Variants in EPG5 observed in about 807,000 individuals in gnomAD.
EPG5 encodes the protein ectopic P granules protein 5 homolog.
EPG5 carries 159 observed loss-of-function variants against 302.7 expected under a neutral mutation model. The ratio of observed to expected loss-of-function variants is 0.53; its 90% CI spans 0.46 to 0.60. The LOEUF is 0.60. EPG5 is among the 20% of genes least tolerant of loss of function. EPG5 has a pLI of 0.00. For missense variants in EPG5, 2,896 were observed against 3,092.4 expected (o/e 0.94, Z 1.51); for synonymous variants, 1,158 against 1,136.8 (o/e 1.02, Z -0.37).
At chr18:45,838,798 C>T in the EPG5 span, 2 of 1,558,624 alleles carry the variant, frequency 1.3e-6, no homozygotes, top group Non-Finnish European at 8.6e-7. Context: ...CGAAGGGGAG[C>T]CGCCGCCCGC....
intron 30 of EPG5, among the ~76,000 whole-genome samples, chr18:45,883,932 T>A (rs2049161422): frequency 6.7e-6 from 1 of 149,818 alleles, no homozygotes; most frequent in African/African-American, 2.4e-5. Flanking sequence ...TAATATAAAA[T>A]AAAATATTAA....
At chr18:45,892,457 A>C (rs1012177193) in intron 27 of EPG5, among the ~76,000 whole-genome samples, 2 of 152,240 alleles carry the variant, frequency 1.3e-5, no homozygotes, top group Non-Finnish European at 2.9e-5. Flanking sequence ...AGTTGGACAA[A>C]GCATGTCCTT....
the EPG5 span, among the ~76,000 whole-genome samples, chr18:45,820,110 T>C: frequency 1.3e-5 from 2 of 152,014 alleles, no homozygotes; most frequent in Non-Finnish European, 2.9e-5. Flanking sequence ...ATGTGATGGA[T>C]AGGGTAGAGG....
intron 2 of EPG5, chr18:45,953,704 T>A (rs947661602): frequency 1.0e-6 from 1 of 985,242 alleles, no homozygotes; most frequent in African/African-American, 1.7e-5. Context: ...GTGTTACACA[T>A]CAGGGACTCT....
chr18:45,865,670 G>A lies in EPG5; in HGVS notation c.6711C>T (p.Val2237=). Residue 2237 remains valine, a synonymous_variant, in exon 39 of 44, where the codon GTC becomes GTT. Transcript: ENST00000282041. ...AGAGCTTAGACATTTCCTGTTCTAG[G>A]ACTGCTAAGGTGATTTTTCCATTTT... ...LEQNGKITLA[V]LEQEMSKLLD... 6.2e-7 allele frequency: 1 copy of A among 1,613,666 alleles called. No individual in the cohort carries two copies. The highest frequency in any genetic ancestry group is 8.5e-7 in the Non-Finnish European group (1 of 1,179,982).
Position 45,954,751 on chromosome 18 carries a change from G to C in EPG5, c.651C>G (p.Pro217=). ...CTCCAGCAATTTCAGCTGGCAACTG[G>C]GGATACAGTTTCTTCACTCTAGGTG... ...FQTPRVKKLY[P]QLPAEIAGEA... Residue 217 remains proline, a synonymous_variant, in exon 2 of 44, where the codon CCC becomes CCG. Coordinates refer to ENST00000282041, the MANE Select transcript of EPG5 (RefSeq NM_020964.3). The C allele has an allele frequency of 6.2e-7, 1 of 1,613,942 alleles. No homozygotes were observed. The highest frequency in any genetic ancestry group is 1.1e-5 in the South Asian group (1 of 91,032).
At chr18:45,827,193 G>C in the EPG5 span, among the ~76,000 whole-genome samples, 3 of 152,220 alleles carry the variant, frequency 2.0e-5, no homozygotes, top group Non-Finnish European at 4.4e-5. Flanking sequence ...TGAGATTACA[G>C]GTGTGAGCCA....
intron 31 of EPG5, 41 bp from the exon 32 acceptor site, chr18:45,880,264 G>T: frequency 6.6e-7 from 1 of 1,509,964 alleles, no homozygotes; most frequent in Non-Finnish European, 8.9e-7. Context: ...TGGCTTTCCC[G>T]AAAGGAATAT....
At chr18:45,966,397 T>C (rs1383977605) in intron 1 of EPG5, among the ~76,000 whole-genome samples, 1 of 149,926 alleles carries the variant, frequency 6.7e-6, no homozygotes, top group East Asian at 1.9e-4. Context: ...AAAAAATACA[T>C]ATACATATAT....
At chr18:45,963,276 C>A (rs1227644635) in intron 1 of EPG5, among the ~76,000 whole-genome samples, 1 of 152,124 alleles carries the variant, frequency 6.6e-6, no homozygotes, top group Admixed American at 6.5e-5. Flanking sequence ...TAGCTGACAC[C>A]TCACAAATGA....
rs1420358080 is a variant in EPG5 at position 45,857,999 on chromosome 18, T to G, written c.7296A>C (p.Thr2432=). ...CTGTCAGGACGGAGTCATTCTGCTC[T>G]GTCTGAATGAGGGAGAGCTGAAGGA... The part of the protein sequence containing the change: ...HQVLQLSLIQ[T]EQNDSVLTES... The change falls in exon 42 of 44, where the codon ACA becomes ACC. Residue 2432 remains threonine, a synonymous_variant. Transcript: ENST00000282041. 1 of 1,613,918 alleles carries G rather than the reference T, an allele frequency of 6.2e-7. No individual in the cohort carries two copies. The highest frequency in any genetic ancestry group is 1.1e-5 in the South Asian group (1 of 91,066).
At chr18:45,896,464 C>A (rs1248859495) in intron 27 of EPG5, among the ~76,000 whole-genome samples, 1 of 152,210 alleles carries the variant, frequency 6.6e-6, no homozygotes, top group Non-Finnish European at 1.5e-5. Context: ...ATTCTTTACG[C>A]TTCTGCAACA....
intron 27 of EPG5, among the ~76,000 whole-genome samples, chr18:45,891,177 G>A (rs1041372943): frequency 6.6e-6 from 1 of 152,038 alleles, no homozygotes; most frequent in Non-Finnish European, 1.5e-5. Flanking sequence ...TGAGGCCCAG[G>A]GTTATTATCA....
intron 10 of EPG5, 90 bp from the exon 11 acceptor site, chr18:45,935,056 T>G: frequency 7.6e-7 from 1 of 1,314,980 alleles, no homozygotes; most frequent in Non-Finnish European, 1.0e-6. Flanking sequence ...GAAAAAAAGA[T>G]TCTTAAATCA....
At chr18:45,966,163 G>A (rs2051250713) in intron 1 of EPG5, among the ~76,000 whole-genome samples, 1 of 151,772 alleles carries the variant, frequency 6.6e-6, no homozygotes, top group Non-Finnish European at 1.5e-5. Context: ...ACGAGGTCAG[G>A]AGATCGAGAC....
At chr18:45,822,148 TG>T in the EPG5 span, among the ~76,000 whole-genome samples, 3 of 152,180 alleles carry the variant, frequency 2.0e-5, no homozygotes, top group African/African-American at 7.2e-5. Context: ...AGAATCAACC[TG>T]GGTGTCCACC....
intron 35 of EPG5, among the ~76,000 whole-genome samples, chr18:45,873,343 C>G (rs1369559561): frequency 6.6e-6 from 1 of 152,060 alleles, no homozygotes; most frequent in Non-Finnish European, 1.5e-5. Flanking sequence ...AACCACGTCT[C>G]TACTAAAAAT....
chr18:45,951,518 G>A (rs2050909129), intron 3 of EPG5, among the ~76,000 whole-genome samples: 1 of 151,544 alleles, frequency 6.6e-6, no homozygotes, highest in Non-Finnish European at 1.5e-5. Context: ...GAATGCAGTG[G>A]CGCAATCTTG....
intron 1 of EPG5, among the ~76,000 whole-genome samples, chr18:45,964,753 G>C (rs922568201): frequency 2.0e-5 from 3 of 151,946 alleles, no homozygotes; most frequent in African/African-American, 7.3e-5. Context: ...AGATCACCTG[G>C]GGTCTGGAGT....
Sources: gnomAD v4.1 joint callset for allele counts (sites outside exome capture counted in the v4.1 genomes callset) on GRCh38, gnomAD v4.1.1 for gene constraint, MANE v1.5 for transcripts, NCBI Gene and HGNC (gene_info 2026-07-23, HGNC 2026-07-21) for gene names.